Variants in MRTFA observed in about 807,000 individuals in gnomAD.
MRTFA encodes myocardin related transcription factor A, also known as myocardin-related transcription factor A.
MRTFA carries 20 observed loss-of-function variants against 83.5 expected under a neutral mutation model. That is an observed-to-expected ratio of 0.24 (90% CI 0.17 to 0.35). The LOEUF (loss-of-function observed/expected upper bound fraction) is 0.35, where lower values mean the gene tolerates loss of function less well. Ranked by LOEUF, MRTFA falls within the 10% of genes least tolerant of loss-of-function variation. The probability of loss-of-function intolerance (pLI) is 1.00; values close to 1 mark genes in which losing one functional copy is unlikely to be tolerated. For synonymous variants in MRTFA, 659 were observed against 541.2 expected (o/e 1.22, Z -3.02); for missense variants, 1,200 against 1,224.7 (o/e 0.98, Z 0.30).
chr22:40,513,233 C>T (rs907686299), intron 3 of MRTFA, among the ~76,000 whole-genome samples: 3 of 152,192 alleles, frequency 2.0e-5, no homozygotes, highest in East Asian at 1.9e-4. Context: ...TTCTGAGATG[C>T]AGGAGGTAAG....
intron 3 of MRTFA, among the ~76,000 whole-genome samples, chr22:40,516,502 A>T (rs368119196): frequency 6.6e-6 from 1 of 151,990 alleles, no homozygotes. Context: ...GGAAGAGAAT[A>T]AGCAAGGGAA....
chr22:40,480,203 G>C (rs574169404), intron 3 of MRTFA, among the ~76,000 whole-genome samples: 2 of 152,138 alleles, frequency 1.3e-5, no homozygotes, highest in Non-Finnish European at 2.9e-5. Context: ...ACCCAGCTCT[G>C]TCTGAATGTA....
intron 2 of MRTFA, among the ~76,000 whole-genome samples, chr22:40,562,590 A>G (rs2055637335): frequency 9.2e-6 from 1 of 108,358 alleles, no homozygotes; most frequent in Admixed American, 9.5e-5. Flanking sequence ...AAGGGAAGGG[A>G]AAGGGAAGGA....
intron 3 of MRTFA, among the ~76,000 whole-genome samples, chr22:40,492,308 G>C (rs1338878460): frequency 6.6e-6 from 1 of 152,220 alleles, no homozygotes; most frequent in Non-Finnish European, 1.5e-5. Context: ...TACTTAGGGA[G>C]TGGGGCATTA....
chr22:40,494,362 C>T (rs1187942229), intron 3 of MRTFA, among the ~76,000 whole-genome samples: 2 of 152,046 alleles, frequency 1.3e-5, no homozygotes, highest in East Asian at 3.9e-4. Flanking sequence ...AAAAAGTGTT[C>T]TTCAACTTGT....
In MRTFA at chr22:40,424,265, G is replaced by T. The variant is rs754296523; in HGVS notation, c.718C>A (p.Pro240Thr). 18 of 1,610,932 alleles carry T rather than the reference G, an allele frequency of 1.1e-5. No individual in the cohort carries two copies. The Admixed American group carries it at 2.4e-4, about 21-fold the overall frequency. ...GGTTCGCTGACTCGGGCCTCCAGGG[G>T]TGACGGCACAGAACCCTGGGACTCA... Residue 240 changes from proline (P) to threonine (T), a missense_variant, in exon 8 of 15, where the codon CCC (proline) becomes ACC (threonine). Pro to Thr is a conservative substitution (Grantham distance 38). Transcript: ENST00000355630.
intron 2 of MRTFA, among the ~76,000 whole-genome samples, chr22:40,564,265 G>C (rs2055671204): frequency 6.6e-6 from 1 of 152,082 alleles, no homozygotes; most frequent in Admixed American, 6.6e-5. Context: ...TGGGTCGAGG[G>C]ACCAAAGAAA....
intron 12 of MRTFA, chr22:40,417,793 A>C: frequency 2.7e-6 from 1 of 376,324 alleles, no homozygotes; most frequent in Non-Finnish European, 4.8e-6. Context: ...CTGCTCAGGG[A>C]CCCCTGTCTC....
At chr22:40,549,624 G>A (rs1472960249) in intron 3 of MRTFA, among the ~76,000 whole-genome samples, 2 of 152,216 alleles carry the variant, frequency 1.3e-5, no homozygotes, top group African/African-American at 2.4e-5. Context: ...TCCTCACTAA[G>A]CAGTAGTTAC....
chr22:40,471,619 A>G (rs141807237), intron 3 of MRTFA, among the ~76,000 whole-genome samples: 1 of 152,322 alleles, frequency 6.6e-6, no homozygotes, highest in Non-Finnish European at 1.5e-5. Context: ...GCGGTAGCTC[A>G]TGCTTGTAAT....
At chr22:40,533,478 T>C in intron 3 of MRTFA, 1 of 513,588 alleles carries the variant, frequency 1.9e-6, no homozygotes, top group African/African-American at 2.0e-5. Flanking sequence ...TCCTCCCCAT[T>C]TCTGTCCACT....
Position 40,411,242 on chromosome 22 carries a change from CTG to C in MRTFA, c.*146_*147del. 2.3e-6 allele frequency: 2 copies of C among 860,160 alleles called. No homozygotes were observed. The highest frequency in any genetic ancestry group is 3.4e-6 in the Non-Finnish European group (2 of 581,210). The allele number at this position is 860,160 out of a possible 1,614,324, so 53.3% of individuals were successfully genotyped here. A position where few individuals can be genotyped will look rare whatever the true frequency, so the allele number is the denominator to read the frequency against. On this transcript the variant is annotated 3_prime_UTR_variant, in exon 15 of 15. Transcript: ENST00000355630. ...CACTGAACCAGGAGTAAGGGCTTCT[CTG>C]TTCTAGCCTCCCAGGGAAGGGAAAA...
At chr22:40,510,305 A>C (rs1209346793) in intron 3 of MRTFA, among the ~76,000 whole-genome samples, 2 of 152,178 alleles carry the variant, frequency 1.3e-5, no homozygotes, top group African/African-American at 2.4e-5. Flanking sequence ...AGAGGCCGGG[A>C]AAACTAAAGG....
intron 3 of MRTFA, among the ~76,000 whole-genome samples, chr22:40,509,347 C>G (rs2054630611): frequency 6.6e-6 from 1 of 152,194 alleles, no homozygotes; most frequent in Non-Finnish European, 1.5e-5. Context: ...ATTTTGTACA[C>G]AGAATATAAT....
At chr22:40,524,141 T>C (rs190195858) in intron 3 of MRTFA, among the ~76,000 whole-genome samples, 1 of 151,960 alleles carries the variant, frequency 6.6e-6, no homozygotes, top group Admixed American at 6.6e-5. Context: ...TTAAAAAAAA[T>C]TTTTTTAGCT....
intron 3 of MRTFA, among the ~76,000 whole-genome samples, chr22:40,542,859 G>T (rs891576339): frequency 6.6e-6 from 1 of 152,178 alleles, no homozygotes; most frequent in Admixed American, 6.5e-5. Context: ...ACACACATTT[G>T]CAAGAACACT....
intron 3 of MRTFA, chr22:40,521,686 T>C (rs1445282965): frequency 2.6e-5 from 4 of 151,868 alleles, no homozygotes; most frequent in African/African-American, 9.7e-5. Context: ...TTAGTATAGA[T>C]AGGGTTTTAC....
Position 40,596,353 on chromosome 22 carries a change from G to A in MRTFA, c.-83-1618C>T, listed in dbSNP as rs566623477. ...AGAAACAATTCCCAATTAAATAAAT[G>A]AATTGTGGTTTTTAAGCAGTCCACC... On this transcript the variant is annotated intron_variant, in intron 1 of 14. Transcript: ENST00000355630. 1.7e-3 allele frequency among the ~76,000 whole-genome samples: 256 copies of A among 152,256 alleles called. 2 individuals carry two copies. The highest frequency in any genetic ancestry group is 2.7e-3 in the Admixed American group (42 of 15,280).
At chr22:40,500,518 T>G (rs2054447584) in intron 3 of MRTFA, among the ~76,000 whole-genome samples, 2 of 151,354 alleles carry the variant, frequency 1.3e-5, no homozygotes, top group Admixed American at 1.3e-4. Flanking sequence ...GTCTCTGGTT[T>G]TCCTAGGCAG....
Sources: allele counts gnomAD v4.1 joint callset (sites outside exome capture counted in the v4.1 genomes callset), GRCh38; gene constraint gnomAD v4.1.1; transcripts MANE v1.5; gene names NCBI Gene and HGNC (gene_info 2026-07-23, HGNC 2026-07-21).